CNN2: variants seen among roughly 807,000 people sequenced by gnomAD.
CNN2 encodes calponin 2.
CNN2 carries 21 observed loss-of-function variants against 31.0 expected under a neutral mutation model. The observed-to-expected ratio is 0.68, with a 90% confidence interval of 0.48 to 0.98. CNN2 has a LOEUF of 0.98. Among genes scored for constraint, CNN2 ranks in the 50% least tolerant of loss-of-function variants. The pLI is 0.00. For synonymous variants in CNN2, 165 were observed against 179.6 expected, an observed-to-expected ratio of 0.92 and a Z score of 0.65; for missense variants, 399 against 427.3, an observed-to-expected ratio of 0.93 and a Z score of 0.58.
chr19:1,031,869 C>T (rs923064616), intron 2 of CNN2, among the ~76,000 whole-genome samples: 6 of 151,932 alleles, frequency 3.9e-5, no homozygotes, highest in Non-Finnish European at 7.4e-5. Context: ...CTGCCTGCCT[C>T]GGCCTTCCAA....
Position 1,037,913 on chromosome 19 carries a change from G to T in CNN2, c.*13G>T. On this transcript the variant is annotated 3_prime_UTR_variant, in exon 7 of 7. Transcript: ENST00000263097. The stretch of plus-strand genomic sequence containing the variant: ...GGCCGGCTACTGAGGCTCCCAGCAC[G>T]CTCTCTCCCCACATCGTCTGCCCAT... 6.4e-7 allele frequency: 1 copy of T among 1,554,956 alleles called. No individual in the cohort carries two copies. The highest frequency in any genetic ancestry group is 1.2e-5 in the South Asian group (1 of 85,222).
intron 2 of CNN2, among the ~76,000 whole-genome samples, chr19:1,032,088 T>G (rs950338235): frequency 2.0e-5 from 3 of 151,314 alleles, no homozygotes; most frequent in African/African-American, 7.3e-5. Flanking sequence ...ATTAGCCGGG[T>G]GTGGTGGCAG....
At chr19:1,031,347 G>GGGGGGA (rs1464420072) in intron 2 of CNN2, among the ~76,000 whole-genome samples, 155 bp downstream of exon 2, 1 of 138,470 alleles carries the variant, frequency 7.2e-6, no homozygotes, top group East Asian at 2.5e-4. Context: ...GTGGCGGGGG[G>GGGGGGA]CGGTGGATCT....
At chr19:1,030,309 G>A (rs1304596072) in intron 1 of CNN2, among the ~76,000 whole-genome samples, 2 of 152,174 alleles carry the variant, frequency 1.3e-5, no homozygotes, top group Non-Finnish European at 2.9e-5. Context: ...AGCCTCGGGG[G>A]CAGCTCCTTC....
rs542058937 is a variant in CNN2 at position 1,035,661 on chromosome 19, G to A, written c.391-469G>A. On this transcript the variant is annotated intron_variant, in intron 4 of 6. Coordinates refer to ENST00000263097, the MANE Select transcript of CNN2 (RefSeq NM_004368.4). ...CCATGGGCTGGGCGCGGTGGCTCAC[G>A]CCTGTAATCCCAGCACTTTTGGAGG... is the stretch of plus-strand genomic sequence containing the variant. 9.2e-5 allele frequency among the ~76,000 whole-genome samples: 14 copies of A among 152,308 alleles called. No homozygotes were observed. The East Asian group carries it at 1.5e-3, about 17-fold the overall frequency.
intron 4 of CNN2, among the ~76,000 whole-genome samples, chr19:1,033,379 G>A (rs138060907): frequency 1.3e-5 from 2 of 152,120 alleles, no homozygotes; most frequent in African/African-American, 2.4e-5. Context: ...TTACCTGGGC[G>A]TGGTGGTGCA....
intron 2 of CNN2, 132 bp downstream of exon 2, chr19:1,031,324 G>GGGGGGCA: frequency 2.8e-6 from 1 of 357,498 alleles, no homozygotes; most frequent in South Asian, 5.2e-5. Flanking sequence ...AGCACTTTTG[G>GGGGGGCA]AGGCCGAGGG....
Position 1,026,644 on chromosome 19 carries a change from G to A in CNN2, c.-18G>A, listed in dbSNP as rs998544338. The A allele has an allele frequency of 3.9e-6, 6 of 1,529,366 alleles. No homozygotes were observed. The highest frequency in any genetic ancestry group is 4.4e-6 in the Non-Finnish European group (5 of 1,138,804). The allele number at this position is 1,529,366 out of a possible 1,614,324, so 94.7% of individuals were successfully genotyped here. A position where few individuals can be genotyped will look rare whatever the true frequency, so the allele number is the denominator to read the frequency against. On this transcript the variant is annotated 5_prime_UTR_variant, in exon 1 of 7. Transcript: ENST00000263097. ...GTCCCGTCCTGTGCGGCCCCGTCCC[G>A]CCGCCCGCCCGCCAGCCATGAGCTC...
rs1208715153 is a variant in CNN2 at position 1,037,310 on chromosome 19, G to C, written c.655-315G>C. On this transcript the variant is annotated intron_variant, in intron 6 of 6. Transcript: ENST00000263097. The stretch of plus-strand genomic sequence containing the variant: ...CCGCCACCACGCCCGGCTAATTTTT[G>C]TATTTTTAGTAGATATGGGGTTTCA... 2.3e-5 allele frequency: 6 copies of C among 263,394 alleles called. No individual in the cohort carries two copies. In the South Asian group the frequency reaches 3.5e-4, roughly 15 times the overall value. 16.3% of individuals were successfully genotyped at this position (263,394 alleles called of 1,614,324 possible).
chr19:1,027,072 A>G, intron 1 of CNN2: 1 of 239,326 alleles, frequency 4.2e-6, no homozygotes. Flanking sequence ...AGGTCCGTTC[A>G]AGGTCCGACA....
rs956757725 is a variant in CNN2 at position 1,038,121 on chromosome 19, A to G, written c.*221A>G. On this transcript the variant is annotated 3_prime_UTR_variant, in exon 7 of 7. Transcript: ENST00000263097. ...GGCTGTGGGGGAAGGGGTCAAGGCC[A>G]TATCCCAATACGTGTAGGGCGAGGG... 1 of 527,200 alleles carries G rather than the reference A, an allele frequency of 1.9e-6. No individual in the cohort carries two copies. The highest frequency in any genetic ancestry group is 3.3e-6 in the Non-Finnish European group (1 of 300,702). The allele number at this position is 527,200 out of a possible 1,614,324, so 32.7% of individuals were successfully genotyped here.
chr19:1,026,708 C>T lies in CNN2; in HGVS notation c.47C>T (p.Ala16Val). Residue 16 changes from alanine to valine, a missense_variant, in exon 1 of 7, where the codon GCC becomes GTC. By Grantham distance (64) the Ala-to-Val change is moderately conservative. Transcript: ENST00000263097. ...AAGGGCCCCTCGTACGGGCTGTCGG[C>T]CGAGGTCAAGAACCGGGTGAGTGAG... ...FNKGPSYGLS[A>V]EVKNRLLSKY... The T allele has an allele frequency of 6.4e-7, 1 of 1,550,966 alleles. No individual in the cohort carries two copies. Among genetic ancestry groups the T allele is most frequent in the African/African-American group, 1.4e-5 (1 of 72,912 alleles).
intron 1 of CNN2, among the ~76,000 whole-genome samples, chr19:1,030,212 C>T (rs1268396032): frequency 6.6e-6 from 1 of 152,138 alleles, no homozygotes; most frequent in Admixed American, 6.6e-5. Flanking sequence ...CTCAGAGCAC[C>T]GAAGGCCAAG....
chr19:1,028,851 C>A (rs1489988215), intron 1 of CNN2, among the ~76,000 whole-genome samples: 1 of 151,846 alleles, frequency 6.6e-6, no homozygotes, highest in Admixed American at 6.6e-5. Context: ...AAGTTGCCGG[C>A]GGGGCGGGGC....
At chr19:1,026,776 C>G (rs1376380730) in intron 1 of CNN2, 52 bp downstream of exon 1, 13 of 1,525,766 alleles carry the variant, frequency 8.5e-6, no homozygotes, top group Non-Finnish European at 1.1e-5. Context: ...TCGCACGCTC[C>G]GACCGGTGCA....
rs533104002 is a variant in CNN2, at chr19:1,030,940, G to C, written c.64-131G>C. On this transcript the variant is annotated intron_variant, in intron 1 of 6. Coordinates refer to ENST00000263097, the MANE Select transcript of CNN2 (RefSeq NM_004368.4). ...GGGAGCATCTGCGTGGGTGTGGTGA[G>C]GGGGGACCTCCAGGCCGCTCTATCT... The C allele has an allele frequency of 1.8e-4, 215 of 1,173,552 alleles. 1 individual carries two copies. The Middle Eastern group carries it at 3.1e-3, about 17-fold the overall frequency. 72.7% of individuals were successfully genotyped at this position (1,173,552 alleles called of 1,614,324 possible). A position where few individuals can be genotyped will look rare whatever the true frequency, so the allele number is the denominator to read the frequency against.
intron 1 of CNN2, among the ~76,000 whole-genome samples, chr19:1,029,612 C>T (rs978571188): frequency 6.6e-6 from 1 of 152,096 alleles, no homozygotes; most frequent in African/African-American, 2.4e-5. Context: ...GATGAGGAAG[C>T]GGAGGCTGAG....
intron 2 of CNN2, 141 bp from the exon 3 acceptor site, chr19:1,032,251 A>AAAAAAG: frequency 1.1e-6 from 1 of 882,628 alleles, no homozygotes; most frequent in Non-Finnish European, 1.7e-6. Context: ...AAAAAAAAAA[A>AAAAAAG]GAGTGGAAAC....
At position 1,031,191 on chromosome 19, in the gene CNN2, A is replaced by T; in HGVS notation, c.184A>T (p.Thr62Ser). The stretch of plus-strand genomic sequence containing the variant: ...CCTGAAGGATGGAACTATCTTATGC[A>T]CGTGAGTACACGCAGGGACACAGGC... Reference protein sequence around the residue: ...KGLKDGTILCTLMNKLQPGSV... With the variant: ...KGLKDGTILCSLMNKLQPGSV... The change falls in exon 2 of 7, where the codon ACA becomes TCA. Residue 62 changes from threonine (T) to serine (S), a missense_variant and splice_region_variant. Coordinates refer to ENST00000263097, the MANE Select transcript of CNN2 (RefSeq NM_004368.4). 6.2e-7 allele frequency: 1 copy of T among 1,607,124 alleles called. No individual in the cohort carries two copies. The highest frequency in any genetic ancestry group is 8.5e-7 in the Non-Finnish European group (1 of 1,175,256).
Sources: gnomAD v4.1 joint callset for allele counts (sites outside exome capture counted in the v4.1 genomes callset) on GRCh38, gnomAD v4.1.1 for gene constraint, MANE v1.5 for transcripts, NCBI Gene and HGNC (gene_info 2026-07-23, HGNC 2026-07-21) for gene names.